Variants in LHFPL6 observed in about 807,000 individuals in gnomAD.
LHFPL6 encodes the protein LHFPL tetraspan subfamily member 6 protein.
A neutral mutation model predicts 20.6 loss-of-function variants in LHFPL6; 9 were observed. That is an observed-to-expected ratio of 0.44 (90% confidence interval 0.26 to 0.76). LHFPL6 has a LOEUF of 0.76. LHFPL6 is among the 30% of genes least tolerant of loss of function. LHFPL6 has a pLI of 0.20. For missense variants in LHFPL6, 218 were observed against 253.5 expected, an observed-to-expected ratio of 0.86 and a Z score of 0.95; for synonymous variants, 105 against 98.7, an observed-to-expected ratio of 1.06 and a Z score of -0.38.
chr13:39,408,864 T>C (rs1011113046), intron 2 of LHFPL6, among the ~76,000 whole-genome samples: 4 of 152,204 alleles, frequency 2.6e-5, no homozygotes, highest in Admixed American at 2.0e-4. Context: ...GTTGTTATTA[T>C]TATTCTTTAA....
intron 1 of LHFPL6, among the ~76,000 whole-genome samples, chr13:39,602,418 A>G (rs1235428524): frequency 6.6e-6 from 1 of 151,902 alleles, no homozygotes; most frequent in Non-Finnish European, 1.5e-5. Flanking sequence ...GAGGTCGGCT[A>G]CTACTTTTTT....
At chr13:39,428,517 G>T (rs1174744476) in intron 2 of LHFPL6, among the ~76,000 whole-genome samples, 4 of 152,076 alleles carry the variant, frequency 2.6e-5, no homozygotes, top group Admixed American at 2.6e-4. Context: ...TATTATCATT[G>T]TAATCTATAG....
chr13:39,601,186 TTACTCCAG>T lies in LHFPL6; in HGVS notation c.23_30del (p.Thr8AsnfsTer46). The T allele has an allele frequency of 6.2e-7, 1 of 1,613,686 alleles. No individual in the cohort carries two copies. The highest frequency in any genetic ancestry group is 1.1e-5 in the South Asian group (1 of 91,042). On this transcript the variant is annotated frameshift_variant, in exon 2 of 4. Coordinates refer to ENST00000379589, the MANE Select transcript of LHFPL6 (RefSeq NM_005780.3). LOFTEE classifies it high-confidence loss of function. The stretch of plus-strand genomic sequence containing the variant: ...CAAAGAAAAGACAGCAAAGCCCAGA[TTACTCCAG>T]TACAAGTCAGGCTGGATGCCATCTT...
At chr13:39,574,341 A>G (rs894562386) in intron 2 of LHFPL6, among the ~76,000 whole-genome samples, 1 of 152,018 alleles carries the variant, frequency 6.6e-6, no homozygotes, top group East Asian at 1.9e-4. Flanking sequence ...AATTAGCCAG[A>G]TGTGGTGGTG....
intron 2 of LHFPL6, among the ~76,000 whole-genome samples, chr13:39,561,414 C>T (rs1021520984): frequency 6.6e-6 from 1 of 152,066 alleles, no homozygotes; most frequent in Non-Finnish European, 1.5e-5. Flanking sequence ...TGGACTTTGA[C>T]GAGAACCTCT....
At chr13:39,486,253 C>T (rs1014196358) in intron 2 of LHFPL6, among the ~76,000 whole-genome samples, 1 of 152,162 alleles carries the variant, frequency 6.6e-6, no homozygotes, top group African/African-American at 2.4e-5. Context: ...CAGTGGAGTA[C>T]TTAGTGAGTC....
intron 2 of LHFPL6, among the ~76,000 whole-genome samples, chr13:39,429,173 G>A (rs73458878): frequency 6.6e-6 from 1 of 150,432 alleles, no homozygotes; most frequent in East Asian, 1.9e-4. Flanking sequence ...TTCAAGTCGT[G>A]CATATCCTTA....
At position 39,470,179 on chromosome 13, in the gene LHFPL6, T is replaced by C. The variant is rs78085188; in HGVS notation, c.386-91653A>G. ...TCCTTTGGTAAAACCTTTGCTAAAC[T>C]AAATGGTCAAGAGGAACTCTTCTTC... On this transcript the variant is annotated intron_variant, in intron 2 of 3. Coordinates refer to ENST00000379589, the MANE Select transcript of LHFPL6 (RefSeq NM_005780.3). 2.5e-3 allele frequency among the ~76,000 whole-genome samples: 384 copies of C among 152,306 alleles called. 3 individuals are homozygous for C. The highest frequency in any genetic ancestry group is 8.9e-3 in the African/African-American group (369 of 41,568).
intron 2 of LHFPL6, among the ~76,000 whole-genome samples, chr13:39,533,562 C>T (rs1401353041): frequency 6.6e-6 from 1 of 152,182 alleles, no homozygotes; most frequent in Non-Finnish European, 1.5e-5. Flanking sequence ...TATAAACTCC[C>T]TAGCTTGGAT....
At chr13:39,584,793 A>C (rs1872397595) in intron 2 of LHFPL6, among the ~76,000 whole-genome samples, 1 of 152,182 alleles carries the variant, frequency 6.6e-6, no homozygotes, top group South Asian at 2.1e-4. Flanking sequence ...ACCAAACTGC[A>C]GAAAATAATG....
At chr13:39,453,778 C>G (rs755553181) in intron 2 of LHFPL6, among the ~76,000 whole-genome samples, 1 of 152,188 alleles carries the variant, frequency 6.6e-6, no homozygotes, top group Non-Finnish European at 1.5e-5. Context: ...TTGAACAAGA[C>G]AGACAAATTA....
chr13:39,557,228 GCCCCACCA>G (rs1295096173), intron 2 of LHFPL6, among the ~76,000 whole-genome samples: 1 of 152,224 alleles, frequency 6.6e-6, no homozygotes, highest in Non-Finnish European at 1.5e-5. Flanking sequence ...CAGGCCCAGG[GCCCCACCA>G]CCCTGATCAG....
intron 3 of LHFPL6, among the ~76,000 whole-genome samples, chr13:39,378,055 T>A (rs1870338848): frequency 6.6e-6 from 1 of 152,264 alleles, no homozygotes; most frequent in African/African-American, 2.4e-5. Flanking sequence ...GCTTAGCTTG[T>A]ATTATCATTT....
rs185828273 is a variant in LHFPL6, at chr13:39,427,781, G to C, written c.386-49255C>G. Among the ~76,000 whole-genome samples, 122 of 152,306 alleles carry C rather than the reference G, an allele frequency of 8.0e-4. 1 individual carries two copies. The highest frequency in any genetic ancestry group is 1.4e-3 in the Non-Finnish European group (97 of 68,030). ...TATGTCCCCACCCAAATCTCGTGTTGAATTGTAATCCCCAGTGTTGGAGGT... is the reference window on the plus strand; with the variant it reads ...TATGTCCCCACCCAAATCTCGTGTTCAATTGTAATCCCCAGTGTTGGAGGT... On this transcript the variant is annotated intron_variant, in intron 2 of 3. Transcript: ENST00000379589.
At chr13:39,487,519 C>T (rs980940104) in intron 2 of LHFPL6, among the ~76,000 whole-genome samples, 16 of 152,300 alleles carry the variant, frequency 1.1e-4, no homozygotes, top group African/African-American at 3.8e-4. Flanking sequence ...CATCTATATA[C>T]CTCACTGAAG....
intron 2 of LHFPL6, among the ~76,000 whole-genome samples, chr13:39,415,508 A>G (rs1464978999): frequency 1.3e-5 from 2 of 152,068 alleles, no homozygotes; most frequent in Non-Finnish European, 2.9e-5. Context: ...CTGAAAAAAA[A>G]AAAAACAAAA....
intron 2 of LHFPL6, among the ~76,000 whole-genome samples, chr13:39,404,924 T>C (rs1308152132): frequency 2.6e-5 from 4 of 152,218 alleles, no homozygotes; most frequent in Non-Finnish European, 4.4e-5. Context: ...TTTTCACAGA[T>C]ACTTAATCCC....
intron 2 of LHFPL6, among the ~76,000 whole-genome samples, chr13:39,505,128 G>T (rs1263688314): frequency 1.3e-5 from 2 of 152,192 alleles, no homozygotes; most frequent in Admixed American, 6.5e-5. Context: ...GGGAATTGAT[G>T]CAAACGCAAA....
intron 2 of LHFPL6, among the ~76,000 whole-genome samples, chr13:39,398,983 T>C (rs1566102406): frequency 6.6e-6 from 1 of 152,222 alleles, no homozygotes; most frequent in Non-Finnish European, 1.5e-5. Context: ...TAGGGTTTGC[T>C]GCTCTAGAAC....
Sources: gnomAD v4.1 joint callset for allele counts (sites outside exome capture counted in the v4.1 genomes callset) on GRCh38, gnomAD v4.1.1 for gene constraint, MANE v1.5 for transcripts, NCBI Gene and HGNC (gene_info 2026-07-23, HGNC 2026-07-21) for gene names.